Variants in LEMD1 observed in about 807,000 individuals in gnomAD.
LEMD1 encodes LEM domain-containing protein 1.
In LEMD1, 18 loss-of-function variants were observed where a neutral mutation model predicts 17.4. The observed-to-expected ratio is 1.04, with a 90% CI of 0.72 to 1.54. LEMD1 has a LOEUF of 1.54. Among genes scored for constraint, LEMD1 ranks in the 40% most tolerant of loss-of-function variants. The pLI is 0.00. For synonymous variants in LEMD1, 88 were observed against 77.8 expected, an observed-to-expected ratio of 1.13 and a Z score of -0.69; for missense variants, 195 against 210.4, an observed-to-expected ratio of 0.93 and a Z score of 0.45.
At chr1:205,436,398 G>C (rs1022365050) in intron 1 of LEMD1, 1 of 152,196 alleles carries the variant, frequency 6.6e-6, no homozygotes, top group Non-Finnish European at 1.5e-5. Context: ...AAGAGTCAAG[G>C]TTCCTGTTTC....
chr1:205,420,649 G>A, intron 1 of LEMD1, 75 bp from the exon 2 acceptor site: 1 of 814,466 alleles, frequency 1.2e-6, no homozygotes, highest in South Asian at 1.5e-5. Flanking sequence ...ATCCACATAA[G>A]TGTTTATAAT....
In LEMD1 at chr1:205,427,507, GAC is replaced by G. The variant is rs1553398584; in HGVS notation, c.-38-6935_-38-6934del. ...TTTGAGAGAGAGAGAGAGAGAGAGA[GAC>G]AGAGAGAGAGACAGACAGAGCGCAC... On this transcript the variant is annotated intron_variant, in intron 1 of 3. Coordinates refer to the LEMD1 transcript ENST00000367154. Among the ~76,000 whole-genome samples the G allele has an allele frequency of 3.2e-4, 48 of 151,194 alleles. No individual in the cohort carries two copies. In the South Asian group the frequency reaches 3.8e-3, roughly 12 times the overall value.
intron 4 of LEMD1, among the ~76,000 whole-genome samples, chr1:205,388,743 C>A (rs1664172841): frequency 6.6e-6 from 1 of 152,112 alleles, no homozygotes; most frequent in African/African-American, 2.4e-5. Flanking sequence ...AATAAATTAT[C>A]AAAATCATTA....
In LEMD1 at chr1:205,389,037, CTTTTTTTT is replaced by C. The variant is rs61341380; in HGVS notation, c.271-4681_271-4674del. 1.3e-3 allele frequency among the ~76,000 whole-genome samples: 98 copies of C among 77,848 alleles called. 1 individual carries two copies. The highest frequency in any genetic ancestry group is 1.9e-3 in the Non-Finnish European group (79 of 42,196). 51.1% of individuals were successfully genotyped at this position (77,848 alleles called of 152,430 possible). ...AATCACCAAAAAGTACATTTGCTTT[CTTTTTTTT>C]TTTTTTTTTTTTTTTTTTTTTGAGA... On this transcript the variant is annotated intron_variant, in intron 4 of 5. Transcript: ENST00000367153.
chr1:205,404,273 C>T (rs1447901128), intron 4 of LEMD1, among the ~76,000 whole-genome samples: 8 of 151,892 alleles, frequency 5.3e-5, no homozygotes, highest in Non-Finnish European at 1.0e-4. Flanking sequence ...CTTTCTGTCT[C>T]GTTGATCTGT....
chr1:205,436,319 C>T (rs2102458944), intron 1 of LEMD1: 1 of 152,310 alleles, frequency 6.6e-6, no homozygotes. Flanking sequence ...CGACTTCCTC[C>T]AGGGATGCCC....
At chr1:205,383,218 C>A (rs1400243233) in intron 5 of LEMD1, among the ~76,000 whole-genome samples, 1 of 152,170 alleles carries the variant, frequency 6.6e-6, no homozygotes, top group Non-Finnish European at 1.5e-5. Context: ...GTCAGCCTCC[C>A]AGGTAACTGG....
At chr1:205,415,657 T>C (rs1320729087) in intron 4 of LEMD1, among the ~76,000 whole-genome samples, 1 of 152,180 alleles carries the variant, frequency 6.6e-6, no homozygotes, top group Non-Finnish European at 1.5e-5. Context: ...TAACTTCGCA[T>C]CCACCCTGTG....
intron 4 of LEMD1, among the ~76,000 whole-genome samples, chr1:205,401,968 C>T (rs1014415018): frequency 6.6e-6 from 1 of 152,054 alleles, no homozygotes; most frequent in Non-Finnish European, 1.5e-5. Context: ...GAATCCTTTC[C>T]CCATTGCTTG....
At chr1:205,383,855 C>T (rs1663850388) in intron 5 of LEMD1, among the ~76,000 whole-genome samples, 1 of 151,746 alleles carries the variant, frequency 6.6e-6, no homozygotes, top group Non-Finnish European at 1.5e-5. Context: ...AGACTGGTCT[C>T]GAACTCCTGA....
upstream of LEMD1, among the ~76,000 whole-genome samples, chr1:205,425,689 T>G (rs1187963942): frequency 6.6e-6 from 1 of 152,018 alleles, no homozygotes; most frequent in Non-Finnish European, 1.5e-5. Flanking sequence ...TCAAATGCAG[T>G]GAAGGTTCTG....
At chr1:205,383,100 T>C (rs540565777) in intron 5 of LEMD1, among the ~76,000 whole-genome samples, 4 of 152,312 alleles carry the variant, frequency 2.6e-5, no homozygotes, top group African/African-American at 9.6e-5. Context: ...TACATACATA[T>C]TTTTTTGAGA....
Position 205,407,815 on chromosome 1 carries a change from C to T in LEMD1, c.270+8417G>A, listed in dbSNP as rs146366800. Among the ~76,000 whole-genome samples the T allele has an allele frequency of 9.2e-3, 1,400 of 152,174 alleles. 73 individuals carry two copies. The highest frequency in any genetic ancestry group is 0.079 in the Admixed American group (1,202 of 15,280). ...GAGCCCCTTAACCTGTGGGATCTGA[C>T]GCTAACTCCAGGTCTATAGTGTCAG... On this transcript the variant is annotated intron_variant, in intron 4 of 5. Coordinates refer to ENST00000367153, the MANE Select transcript of LEMD1 (RefSeq NM_001199050.2).
At chr1:205,428,588 C>T (rs1237509864) in intron 1 of LEMD1, among the ~76,000 whole-genome samples, 2 of 152,104 alleles carry the variant, frequency 1.3e-5, no homozygotes, top group African/African-American at 4.8e-5. Flanking sequence ...GATAATGAGA[C>T]AGACTGATGT....
At chr1:205,429,640 T>C (rs973142886) in intron 1 of LEMD1, among the ~76,000 whole-genome samples, 1 of 152,052 alleles carries the variant, frequency 6.6e-6, no homozygotes, top group African/African-American at 2.4e-5. Flanking sequence ...CCAAATGCAA[T>C]CTAAACCGGA....
At chr1:205,406,016 C>T (rs547554784) in intron 4 of LEMD1, among the ~76,000 whole-genome samples, 20 of 152,284 alleles carry the variant, frequency 1.3e-4, no homozygotes, top group African/African-American at 2.2e-4. Flanking sequence ...TGCAGAACCG[C>T]GGATTTTCGT....
Position 205,389,924 on chromosome 1 carries a change from C to T in LEMD1, c.271-5560G>A, listed in dbSNP as rs151251934. On this transcript the variant is annotated intron_variant, in intron 4 of 5. Coordinates refer to ENST00000367153, the MANE Select transcript of LEMD1 (RefSeq NM_001199050.2). ...TTGCCTGAATCCTGATATGATAAAGCTTTTATTTAAAACGTTGTGTTCTCT... is the reference window on the plus strand; with the variant it reads ...TTGCCTGAATCCTGATATGATAAAGTTTTTATTTAAAACGTTGTGTTCTCT... 3.3e-3 allele frequency among the ~76,000 whole-genome samples: 498 copies of T among 152,296 alleles called. 2 individuals carry two copies. The highest frequency in any genetic ancestry group is 0.012 in the African/African-American group (480 of 41,564).
At chr1:205,385,149 G>C (rs909801352) in intron 4 of LEMD1, 7 of 152,052 alleles carry the variant, frequency 4.6e-5, no homozygotes, top group Admixed American at 4.6e-4. Context: ...CATCCACTCA[G>C]ATCACTCTTC....
At chr1:205,442,573 C>T (rs548692434) in intron 1 of LEMD1, among the ~76,000 whole-genome samples, 39 of 152,284 alleles carry the variant, frequency 2.6e-4, no homozygotes, top group Middle Eastern at 3.4e-3. Flanking sequence ...CTCAGCGTCC[C>T]GGTAATACAG....
Sources: gnomAD v4.1 joint callset for allele counts (sites outside exome capture counted in the v4.1 genomes callset) on GRCh38, gnomAD v4.1.1 for gene constraint, MANE v1.5 for transcripts, NCBI Gene and HGNC (gene_info 2026-07-23, HGNC 2026-07-21) for gene names.